UBE2E2: variants seen among roughly 807,000 people sequenced by gnomAD.
UBE2E2 encodes ubiquitin-conjugating enzyme E2 E2.
In UBE2E2, 6 loss-of-function variants were observed where a neutral mutation model predicts 24.7. The ratio of observed to expected loss-of-function variants is 0.24; its 90% confidence interval spans 0.13 to 0.48. The LOEUF is 0.48. Among genes scored for constraint, UBE2E2 ranks in the 20% least tolerant of loss-of-function variants. The pLI is 0.99. For synonymous variants in UBE2E2, 104 were observed against 83.6 expected, an observed-to-expected ratio of 1.24 and a Z score of -1.33; for missense variants, 169 against 245.0, an observed-to-expected ratio of 0.69 and a Z score of 2.07.
intron 5 of UBE2E2, among the ~76,000 whole-genome samples, chr3:23,556,454 T>TCAAAAAAAAA (rs1553620573): frequency 1.1e-5 from 1 of 94,336 alleles, no homozygotes; most frequent in Admixed American, 1.0e-4. Flanking sequence ...AAAATTTATT[T>TCAAAAAAAAA]AAAAAAAAAA....
intron 3 of UBE2E2, among the ~76,000 whole-genome samples, chr3:23,288,209 C>T (rs569008585): frequency 3.3e-5 from 5 of 152,124 alleles, no homozygotes; most frequent in South Asian, 2.1e-4. Context: ...AATTTGCATA[C>T]GTTTGTATAG....
chr3:23,385,473 T>A (rs552268682), intron 3 of UBE2E2, among the ~76,000 whole-genome samples: 2 of 152,198 alleles, frequency 1.3e-5, no homozygotes, highest in Non-Finnish European at 2.9e-5. Context: ...AATAGTGTCA[T>A]ATAGCATCCC....
At chr3:23,565,357 A>G (rs1038299980) in intron 5 of UBE2E2, among the ~76,000 whole-genome samples, 3 of 150,206 alleles carry the variant, frequency 2.0e-5, no homozygotes, top group Admixed American at 1.3e-4. Flanking sequence ...TTTTAGAGAG[A>G]GGCCCAACTC....
At chr3:23,556,511 G>A (rs563843636) in intron 5 of UBE2E2, among the ~76,000 whole-genome samples, 2 of 139,454 alleles carry the variant, frequency 1.4e-5, no homozygotes, top group African/African-American at 2.7e-5. Context: ...AAAAGTAAAC[G>A]TGAAAAGAAA....
chr3:23,253,445 A>T (rs1362397988), intron 3 of UBE2E2, among the ~76,000 whole-genome samples: 1 of 152,216 alleles, frequency 6.6e-6, no homozygotes, highest in East Asian at 1.9e-4. Flanking sequence ...CTTGTTAGTA[A>T]TCTAGGAAAT....
intron 3 of UBE2E2, among the ~76,000 whole-genome samples, chr3:23,269,368 C>A (rs979025530): frequency 1.3e-5 from 2 of 152,174 alleles, no homozygotes; most frequent in African/African-American, 4.8e-5. Context: ...AAAAAACAAA[C>A]CCGCTTGGAG....
intron 3 of UBE2E2, among the ~76,000 whole-genome samples, chr3:23,493,603 A>C (rs2125451197): frequency 6.6e-6 from 1 of 152,362 alleles, no homozygotes; most frequent in South Asian, 2.1e-4. Flanking sequence ...TGCAAGTGGG[A>C]AAACATTACT....
chr3:23,385,875 C>G (rs1430080953), intron 3 of UBE2E2, among the ~76,000 whole-genome samples: 2 of 152,276 alleles, frequency 1.3e-5, no homozygotes, highest in East Asian at 3.9e-4. Context: ...AACAGCTTAG[C>G]CTGATACATA....
chr3:23,508,039 G>GAAT (rs1374796692), intron 4 of UBE2E2, among the ~76,000 whole-genome samples: 2 of 152,148 alleles, frequency 1.3e-5, no homozygotes, highest in African/African-American at 4.8e-5. Flanking sequence ...GTGTCAGAAT[G>GAAT]GCCTTGTATC....
intron 3 of UBE2E2, among the ~76,000 whole-genome samples, chr3:23,374,818 T>G (rs1410621485): frequency 1.3e-5 from 2 of 152,206 alleles, no homozygotes; most frequent in Non-Finnish European, 2.9e-5. Context: ...TTATTTATTT[T>G]TTTGAGATAG....
intron 4 of UBE2E2, among the ~76,000 whole-genome samples, chr3:23,514,494 A>G (rs1394905232): frequency 6.6e-6 from 1 of 152,116 alleles, no homozygotes; most frequent in African/African-American, 2.4e-5. Flanking sequence ...ATATCTAATC[A>G]TATCTAATTC....
At chr3:23,403,702 T>C (rs1303537539) in intron 3 of UBE2E2, among the ~76,000 whole-genome samples, 1 of 151,488 alleles carries the variant, frequency 6.6e-6, no homozygotes. Context: ...TGCACGCCTG[T>C]AGTTCCAGCT....
At chr3:23,568,228 G>GTTGTA (rs1163313366) in intron 5 of UBE2E2, among the ~76,000 whole-genome samples, 1 of 152,172 alleles carries the variant, frequency 6.6e-6, no homozygotes, top group Non-Finnish European at 1.5e-5. Flanking sequence ...GGGCATGACT[G>GTTGTA]TTGTATTCAC....
chr3:23,502,244 T>C (rs1446851121), intron 4 of UBE2E2, among the ~76,000 whole-genome samples: 1 of 151,998 alleles, frequency 6.6e-6, no homozygotes, highest in African/African-American at 2.4e-5. Context: ...CTTTTTTTTT[T>C]TTTCACGTTA....
chr3:23,536,351 G>C (rs972502722), intron 5 of UBE2E2, among the ~76,000 whole-genome samples: 1 of 152,112 alleles, frequency 6.6e-6, no homozygotes, highest in Non-Finnish European at 1.5e-5. Flanking sequence ...CAGAGTTATG[G>C]CTATAAATAT....
chr3:23,298,773 G>C (rs1698986171), intron 3 of UBE2E2, among the ~76,000 whole-genome samples: 2 of 151,938 alleles, frequency 1.3e-5, no homozygotes, highest in Admixed American at 1.3e-4. Flanking sequence ...TCTCTGCCAG[G>C]CTTTGGTATC....
At chr3:23,326,834 C>T (rs1433533407) in intron 3 of UBE2E2, among the ~76,000 whole-genome samples, 2 of 152,190 alleles carry the variant, frequency 1.3e-5, no homozygotes, top group Non-Finnish European at 2.9e-5. Flanking sequence ...TCCCCCCACC[C>T]CACCACAGGC....
intron 1 of UBE2E2, among the ~76,000 whole-genome samples, chr3:23,203,814 A>G (rs1696044599): frequency 6.6e-6 from 1 of 151,014 alleles, no homozygotes; most frequent in Non-Finnish European, 1.5e-5. Flanking sequence ...AGTCTTTTCA[A>G]AAGTACAGGA....
At chr3:23,408,162 G>A (rs1381996721) in intron 3 of UBE2E2, among the ~76,000 whole-genome samples, 8 of 152,090 alleles carry the variant, frequency 5.3e-5, no homozygotes, top group Admixed American at 4.6e-4. Context: ...TTAAATACAT[G>A]CTTTACACAG....
Sources: gnomAD v4.1 joint callset for allele counts (sites outside exome capture counted in the v4.1 genomes callset) on GRCh38, gnomAD v4.1.1 for gene constraint, MANE v1.5 for transcripts, NCBI Gene and HGNC (gene_info 2026-07-23, HGNC 2026-07-21) for gene names.